Variants in RAD51C observed in about 807,000 individuals in gnomAD.
RAD51C encodes RAD51 paralog C, also known as DNA repair protein RAD51 homolog 3.
In RAD51C, 42 loss-of-function variants were observed where a neutral mutation model predicts 45.0. That is an observed-to-expected ratio of 0.93 (90% CI 0.73 to 1.21). The LOEUF (loss-of-function observed/expected upper bound fraction) is 1.21. Among genes scored for constraint, RAD51C ranks in the 50% most tolerant of loss-of-function variants. The pLI is 0.00. For synonymous variants in RAD51C, 172 were observed against 159.8 expected, an observed-to-expected ratio of 1.08 and a Z score of -0.58; for missense variants, 474 against 452.2, an observed-to-expected ratio of 1.05 and a Z score of -0.44.
chr17:58,699,519 AC>A (rs1032341733), intron 3 of RAD51C, among the ~76,000 whole-genome samples: 1 of 151,830 alleles, frequency 6.6e-6, no homozygotes, highest in African/African-American at 2.4e-5. Flanking sequence ...AGCCCTTTGG[AC>A]CCTAGCAGAA....
Position 58,704,596 on chromosome 17 carries a change from T to C in RAD51C, c.705+1267T>C, listed in dbSNP as rs534610935. On this transcript the variant is annotated intron_variant, in intron 4 of 8. Transcript: ENST00000337432. ...TCACTGTTAGTAATTGTTCATCCACTGACCCCTTCACCTTGCTCTTGGTTG... is the reference window on the plus strand; with the variant it reads ...TCACTGTTAGTAATTGTTCATCCACCGACCCCTTCACCTTGCTCTTGGTTG... 2.6e-5 allele frequency among the ~76,000 whole-genome samples: 4 copies of C among 152,290 alleles called. No homozygotes were observed. In the East Asian group the frequency reaches 7.7e-4, roughly 29 times the overall value.
chr17:58,717,565 C>T (rs923164272), intron 5 of RAD51C, among the ~76,000 whole-genome samples: 16 of 152,136 alleles, frequency 1.1e-4, no homozygotes, highest in African/African-American at 3.1e-4. Flanking sequence ...GGAGAAACCC[C>T]GTCTTTACCA....
At chr17:58,696,541 AGTC>A (rs2048015321) in intron 2 of RAD51C, 149 bp from the exon 3 acceptor site, 11 of 852,440 alleles carry the variant, frequency 1.3e-5, no homozygotes, top group Non-Finnish European at 2.1e-5. Context: ...TTATATCTGG[AGTC>A]ATGAAGAGTT....
intron 8 of RAD51C, 103 bp downstream of exon 8, chr17:58,732,647 C>G: frequency 9.0e-7 from 1 of 1,111,234 alleles, no homozygotes; most frequent in Non-Finnish European, 1.4e-6. Context: ...AGGCAGCAAG[C>G]ATATTTGAGG....
intron 5 of RAD51C, among the ~76,000 whole-genome samples, chr17:58,720,195 C>T (rs181475293): frequency 4.4e-4 from 66 of 150,586 alleles, no homozygotes; most frequent in African/African-American, 1.6e-3. Context: ...AGGCAGATCA[C>T]GAGGTCAGGA....
rs1173672005 is a variant in RAD51C, at chr17:58,734,342, A to G, written c.*120A>G. On this transcript the variant is annotated 3_prime_UTR_variant, in exon 9 of 9. Coordinates refer to ENST00000337432, the MANE Select transcript of RAD51C (RefSeq NM_058216.3). ...TATGGCATGAATGAATCCAGATCAT[A>G]TGAAGTGAATGGGAAAAATACCTAA... The G allele has an allele frequency of 3.4e-6, 5 of 1,486,150 alleles. No individual in the cohort carries two copies. Among genetic ancestry groups the G allele is most frequent in the Non-Finnish European group, 4.5e-6 (5 of 1,104,004 alleles). 92.1% of individuals were successfully genotyped at this position (1,486,150 alleles called of 1,614,324 possible).
Position 58,724,090 on chromosome 17 carries a change from C to G in RAD51C, c.955C>G (p.Arg319Gly), listed in dbSNP as rs587781287. The change falls in exon 7 of 9, where the codon CGA becomes GGA. Residue 319 changes from arginine to glycine, a missense_variant. By Grantham distance (125) the Arg-to-Gly change is moderately radical. Coordinates refer to ENST00000337432, the MANE Select transcript of RAD51C (RefSeq NM_058216.3). ...AATACGGCTAATCTTTCATTGGGAC[C>G]GAAAGCAAAGGTCAGTACAGAAACA... is the stretch of plus-strand genomic sequence containing the variant. ...ATIRLIFHWD[R>G]KQRLATLYKS... 2.5e-6 allele frequency: 4 copies of G among 1,612,100 alleles called. No homozygotes were observed. The highest frequency in any genetic ancestry group is 3.4e-6 in the Non-Finnish European group (4 of 1,178,364).
At chr17:58,720,678 G>A in intron 5 of RAD51C, 68 bp from the exon 6 acceptor site, 1 of 1,230,256 alleles carries the variant, frequency 8.1e-7, no homozygotes. Context: ...TCACAATCTT[G>A]GCCAGACTGG....
At chr17:58,714,318 C>T (rs1272598523) in intron 5 of RAD51C, among the ~76,000 whole-genome samples, 7 of 151,878 alleles carry the variant, frequency 4.6e-5, no homozygotes, top group African/African-American at 1.7e-4. Context: ...AATATTAAGC[C>T]AAAGGAATCG....
At chr17:58,728,990 C>A (rs995454407) in intron 7 of RAD51C, among the ~76,000 whole-genome samples, 1 of 152,148 alleles carries the variant, frequency 6.6e-6, no homozygotes, top group Non-Finnish European at 1.5e-5. Flanking sequence ...TCAACACCCC[C>A]ACACAGTGTT....
chr17:58,712,307 T>C (rs944045454), intron 5 of RAD51C, among the ~76,000 whole-genome samples: 13 of 128,220 alleles, frequency 1.0e-4, no homozygotes, highest in African/African-American at 4.0e-4. Context: ...ATTGCGCCAC[T>C]GCACTCCATC....
intron 7 of RAD51C, among the ~76,000 whole-genome samples, chr17:58,730,069 C>A (rs2049351616): frequency 6.6e-6 from 1 of 151,964 alleles, no homozygotes; most frequent in South Asian, 2.1e-4. Flanking sequence ...TTAAAATACA[C>A]CTTGCCTCTC....
intron 7 of RAD51C, among the ~76,000 whole-genome samples, chr17:58,724,736 GA>G (rs1406892724): frequency 6.6e-6 from 1 of 152,084 alleles, no homozygotes; most frequent in Non-Finnish European, 1.5e-5. Flanking sequence ...ATAGACCATT[GA>G]AAGCTGTGAA....
chr17:58,710,939 T>A (rs984929881), intron 5 of RAD51C, among the ~76,000 whole-genome samples: 2 of 152,176 alleles, frequency 1.3e-5, no homozygotes, highest in Non-Finnish European at 2.9e-5. Flanking sequence ...TTTCTTTGTC[T>A]TTACCTTAAT....
At chr17:58,712,286 A>C (rs977365641) in intron 5 of RAD51C, among the ~76,000 whole-genome samples, 2 of 146,520 alleles carry the variant, frequency 1.4e-5, no homozygotes, top group African/African-American at 5.0e-5. Context: ...CGGAGGTTGC[A>C]GTGAGCCAAG....
At chr17:58,723,801 G>A (rs1426415088) in intron 6 of RAD51C, among the ~76,000 whole-genome samples, 1 of 151,802 alleles carries the variant, frequency 6.6e-6, no homozygotes, top group Non-Finnish European at 1.5e-5. Context: ...ACACATATAT[G>A]GACTCAGACA....
intron 3 of RAD51C, among the ~76,000 whole-genome samples, chr17:58,702,986 C>T (rs1487103187): frequency 2.6e-5 from 4 of 152,170 alleles, no homozygotes; most frequent in African/African-American, 9.7e-5. Flanking sequence ...CATATGTAAC[C>T]TGCACGTTGT....
chr17:58,699,295 A>G (rs1206297053), intron 3 of RAD51C, among the ~76,000 whole-genome samples: 2 of 152,102 alleles, frequency 1.3e-5, no homozygotes, highest in Non-Finnish European at 2.9e-5. Context: ...CATGAGCTAC[A>G]GCGCCCGGCC....
At chr17:58,706,047 A>C (rs2048367665) in intron 4 of RAD51C, 1 of 152,182 alleles carries the variant, frequency 6.6e-6, no homozygotes, top group Non-Finnish European at 1.5e-5. Flanking sequence ...TTCAAAATAC[A>C]ATAGTAGGAA....
Sources: gnomAD v4.1 joint callset for allele counts (sites outside exome capture counted in the v4.1 genomes callset) on GRCh38, gnomAD v4.1.1 for gene constraint, MANE v1.5 for transcripts, NCBI Gene and HGNC (gene_info 2026-07-23, HGNC 2026-07-21) for gene names.